CCDC93: variants seen among roughly 807,000 people sequenced by gnomAD.
The protein encoded by CCDC93 is CCC complex scaffolding subunit CCDC93.
Under a neutral mutation model 108.2 loss-of-function variants are expected in CCDC93, and 61 were observed. The ratio of observed to expected loss-of-function variants is 0.56; its 90% confidence interval spans 0.46 to 0.70. The LOEUF (loss-of-function observed/expected upper bound fraction) is 0.70, where lower values mean the gene tolerates loss of function less well. CCDC93 is among the 30% of genes least tolerant of loss of function. The pLI is 0.00. For missense variants in CCDC93, 685 were observed against 764.2 expected (o/e 0.90, Z 1.22); for synonymous variants, 276 against 260.4 (o/e 1.06, Z -0.58).
In CCDC93 at chr2:117,977,984, T is replaced by C; in HGVS notation, c.657+10A>G. 6.2e-7 allele frequency: 1 copy of C among 1,613,098 alleles called. No individual in the cohort carries two copies. The highest frequency in any genetic ancestry group is 8.5e-7 in the Non-Finnish European group (1 of 1,179,076). ...CAAGTATTCTCTCTTACTATCAATG[T>C]TTTTCTTACCTTCTCCATTTTGCTC... On this transcript the variant is annotated intron_variant, in intron 8 of 23. Coordinates refer to ENST00000376300, the MANE Select transcript of CCDC93 (RefSeq NM_019044.5).
At chr2:117,993,171 C>A (rs183104393) in intron 6 of CCDC93, among the ~76,000 whole-genome samples, 81 of 152,114 alleles carry the variant, frequency 5.3e-4, no homozygotes, top group African/African-American at 1.9e-3. Context: ...CCGAGGTGGG[C>A]GGACCTCGAG....
Position 118,008,638 on chromosome 2 carries a change from T to C in CCDC93, c.63A>G (p.Glu21=), listed in dbSNP as rs769569881. The part of the protein sequence containing the change: ...GLPEVETRED[E]EQNVKLTEIL... ...TTTCAGTCAACTTGACATTTTGTTC[T>C]TCATCTTCTCTTGTTTCCACCTAAA... The change falls in exon 2 of 24, where the codon GAA becomes GAG. Residue 21 remains glutamate (E), a synonymous_variant. Coordinates refer to ENST00000376300, the MANE Select transcript of CCDC93 (RefSeq NM_019044.5). 1 of 1,612,156 alleles carries C rather than the reference T, an allele frequency of 6.2e-7. No homozygotes were observed. Among genetic ancestry groups the C allele is most frequent in the Admixed American group, 1.7e-5 (1 of 59,872 alleles).
At position 117,983,702 on chromosome 2, in the gene CCDC93, G is replaced by A. The variant is rs182247604; in HGVS notation, c.620+2267C>T. Among the ~76,000 whole-genome samples the A allele has an allele frequency of 9.7e-3, 1,325 of 136,834 alleles. 10 individuals are homozygous for A. The highest frequency in any genetic ancestry group is 0.016 in the Non-Finnish European group (1,022 of 62,826). The allele number at this position is 136,834 out of a possible 152,430, so 89.8% of individuals were successfully genotyped here. A position where few individuals can be genotyped will look rare whatever the true frequency, so the allele number is the denominator to read the frequency against. ...TAGTCATATAATCCTCATTTAATGG[G>A]AAAGATCTCCATGCAGTGGAGAATG... On this transcript the variant is annotated intron_variant, in intron 7 of 23. Transcript: ENST00000376300.
chr2:118,005,292 GAA>G (rs1312843283), intron 3 of CCDC93, among the ~76,000 whole-genome samples: 2 of 151,958 alleles, frequency 1.3e-5, no homozygotes, highest in Non-Finnish European at 2.9e-5. Context: ...GGGAATTTAG[GAA>G]AAAAGCACAC....
At chr2:117,971,250 C>T (rs1185454480) in intron 11 of CCDC93, among the ~76,000 whole-genome samples, 1 of 152,082 alleles carries the variant, frequency 6.6e-6, no homozygotes, top group East Asian at 1.9e-4. Context: ...GCAGTCCCAG[C>T]TACTTGGGAG....
At chr2:117,971,057 G>T (rs1679743977) in intron 11 of CCDC93, among the ~76,000 whole-genome samples, 1 of 152,140 alleles carries the variant, frequency 6.6e-6, no homozygotes. Flanking sequence ...CATAAATTAT[G>T]TAGTTATTAA....
intron 23 of CCDC93, among the ~76,000 whole-genome samples, chr2:117,930,000 A>T (rs1318238822): frequency 1.3e-5 from 2 of 152,206 alleles, no homozygotes; most frequent in Admixed American, 6.5e-5. Flanking sequence ...AAGGAGGAGG[A>T]GGTCTGCGTT....
At position 118,007,497 on chromosome 2, in the gene CCDC93, C is replaced by T. The variant is rs529520874; in HGVS notation, c.157-681G>A. ...CCAGCCTGGCCAACGCAGTGAAACC[C>T]CTCTCTACTAAAGATGCAAAAATTA... On this transcript the variant is annotated intron_variant, in intron 2 of 23. Transcript: ENST00000376300. Among the ~76,000 whole-genome samples the T allele has an allele frequency of 1.9e-3, 284 of 152,254 alleles. 3 individuals carry two copies. The highest frequency in any genetic ancestry group is 0.01 in the Middle Eastern group (3 of 294).
chr2:117,922,463 G>A (rs1174048866), intron 23 of CCDC93, among the ~76,000 whole-genome samples: 1 of 152,162 alleles, frequency 6.6e-6, no homozygotes, highest in Non-Finnish European at 1.5e-5. Context: ...TGTACCGAAA[G>A]CCAGCTTCAC....
chr2:117,941,276 C>T lies in CCDC93; in HGVS notation c.1435G>A (p.Ala479Thr). 3 of 1,613,856 alleles carry T rather than the reference C, an allele frequency of 1.9e-6. No homozygotes were observed. The highest frequency in any genetic ancestry group is 1.1e-5 in the South Asian group (1 of 91,058). Residue 479 changes from alanine (A) to threonine (T), a missense_variant, in exon 19 of 24, where the codon GCA becomes ACA. Transcript: ENST00000376300. Reference sequence around the variant, plus strand: ...TCATCAATCTTGCGGTGCAAAATTGCTATTTCTCGATTTCTTCGAGCCTAA... The same window carrying T: ...TCATCAATCTTGCGGTGCAAAATTGTTATTTCTCGATTTCTTCGAGCCTAA... ...LLQARRNREI[A>T]ILHRKIDEVP...
At chr2:117,967,582 A>T (rs1679628800) in intron 11 of CCDC93, among the ~76,000 whole-genome samples, 2 of 152,226 alleles carry the variant, frequency 1.3e-5, no homozygotes, top group Non-Finnish European at 2.9e-5. Context: ...TAAGGATGGT[A>T]AAGGAGGCTG....
intron 8 of CCDC93, among the ~76,000 whole-genome samples, chr2:117,976,853 G>A (rs1184197246): frequency 6.6e-6 from 1 of 150,800 alleles, no homozygotes; most frequent in African/African-American, 2.4e-5. Flanking sequence ...GGAGTGGGTG[G>A]CAGGGGAACA....
rs776531013 is a variant in CCDC93, at chr2:117,944,024, C to G, written c.1413G>C (p.Gln471His). 16 of 1,596,558 alleles carry G rather than the reference C, an allele frequency of 1.0e-5. No individual in the cohort carries two copies. Among genetic ancestry groups the G allele is most frequent in the Non-Finnish European group, 1.4e-5 (16 of 1,170,586 alleles). Residue 471 changes from glutamine (Q) to histidine (H), a missense_variant and splice_region_variant, in exon 18 of 24, where the codon CAG (glutamine) becomes CAC (histidine). Transcript: ENST00000376300. ...KEKLYKIRLL[Q>H]ARRNREIAIL... The stretch of plus-strand genomic sequence containing the variant: ...ATATTTTTGTCCTTCTTTTACTCAC[C>G]TGTAGTAAACGTATCTTGTAAAGTT...
intron 8 of CCDC93, 127 bp from the exon 9 acceptor site, chr2:117,975,407 G>C (rs1679911920): frequency 2.9e-6 from 2 of 678,148 alleles, no homozygotes; most frequent in Non-Finnish European, 2.6e-6. Context: ...CATCCTGAGA[G>C]AGTGGATACT....
At chr2:117,987,574 C>T (rs1680357557) in intron 6 of CCDC93, among the ~76,000 whole-genome samples, 1 of 152,192 alleles carries the variant, frequency 6.6e-6, no homozygotes, top group Non-Finnish European at 1.5e-5. Context: ...AGCTGCATGA[C>T]CTTGAGAAAG....
chr2:117,968,819 A>T (rs1679671927), intron 11 of CCDC93, among the ~76,000 whole-genome samples: 1 of 152,082 alleles, frequency 6.6e-6, no homozygotes, highest in African/African-American at 2.4e-5. Flanking sequence ...TCCTGATCTC[A>T]GCCTAAGTGA....
chr2:118,000,718 T>C lies in CCDC93; in HGVS notation c.363+103A>G, dbSNP rs1429696055. The C allele has an allele frequency of 4.3e-6, 3 of 696,192 alleles. No homozygotes were observed. The African/African-American group carries it at 5.4e-5, about 12-fold the overall frequency. The allele number at this position is 696,192 out of a possible 1,614,324, so 43.1% of individuals were successfully genotyped here. A position where few individuals can be genotyped will look rare whatever the true frequency, so the allele number is the denominator to read the frequency against. ...CTGTACCAAATCTAAGCCACACCCA[T>C]TACATTCAGGATCCAGGACAGACGG... On this transcript the variant is annotated intron_variant, in intron 4 of 23. Transcript: ENST00000376300.
At chr2:117,978,957 G>A (rs762965752) in intron 7 of CCDC93, among the ~76,000 whole-genome samples, 1 of 152,066 alleles carries the variant, frequency 6.6e-6, no homozygotes, top group Non-Finnish European at 1.5e-5. Context: ...GCAGTGAGCC[G>A]AGATCATAGC....
chr2:117,950,851 G>A, intron 13 of CCDC93: 2 of 985,390 alleles, frequency 2.0e-6, no homozygotes, highest in Non-Finnish European at 2.4e-6. Context: ...CAGGCTGCCT[G>A]TATTTGAATC....
Sources: allele counts gnomAD v4.1 joint callset (sites outside exome capture counted in the v4.1 genomes callset), GRCh38; gene constraint gnomAD v4.1.1; transcripts MANE v1.5; gene names NCBI Gene and HGNC (gene_info 2026-07-23, HGNC 2026-07-21).